Variants in CYREN observed in about 807,000 individuals in gnomAD.
CYREN encodes cell cycle regulator of non-homologous end joining.
Under a neutral mutation model 9.7 loss-of-function variants are expected in CYREN, and 7 were observed. The ratio of observed to expected loss-of-function variants is 0.72; its 90% CI spans 0.41 to 1.36. The LOEUF (loss-of-function observed/expected upper bound fraction) is 1.36. CYREN is among the 40% of genes most tolerant of loss of function. The pLI is 0.01. For synonymous variants in CYREN, 76 were observed against 77.9 expected (o/e 0.98, Z 0.13); for missense variants, 215 against 198.1 (o/e 1.09, Z -0.51).
At position 135,121,219 on chromosome 7, in the gene CYREN, AAAC is replaced by A. The variant is rs1234569324; in HGVS notation, n.357-26640_357-26638del. On this transcript the variant is annotated intron_variant and non_coding_transcript_variant, in intron 2 of 2. Transcript: ENST00000459937. Reference sequence around the variant, plus strand: ...AAACTCCGTCTCAAAAAACAAAACAAAACAACACAGAACTGCAAAATATGTGAA... The same window carrying A: ...AAACTCCGTCTCAAAAAACAAAACAAAACACAGAACTGCAAAATATGTGAA... 1.3e-5 allele frequency among the ~76,000 whole-genome samples: 2 copies of A among 152,230 alleles called. 1 individual carries two copies. The highest frequency in any genetic ancestry group is 4.1e-4 in the South Asian group (2 of 4,836).
upstream of CYREN, among the ~76,000 whole-genome samples, chr7:135,171,021 C>T (rs1190964792): frequency 6.6e-6 from 1 of 152,240 alleles, no homozygotes; most frequent in African/African-American, 2.4e-5. Context: ...GAAAGGCCCG[C>T]CGGGAATTCC....
chr7:135,133,986 C>G (rs930029435), intron 2 of CYREN, among the ~76,000 whole-genome samples: 1 of 151,664 alleles, frequency 6.6e-6, no homozygotes, highest in African/African-American at 2.4e-5. Context: ...AGGTTACATA[C>G]AGTATGATTC....
Position 135,135,199 on chromosome 7 carries a change from G to A in CYREN, n.356+33550C>T, listed in dbSNP as rs199898448. ...CCTCCATCTAACTAAAAATAAGGAT[G>A]AGCAGGCCAATAAGAATGATGGACA... On this transcript the variant is annotated intron_variant and non_coding_transcript_variant, in intron 2 of 2. Transcript: ENST00000459937. The A allele has an allele frequency of 5.1e-4, 791 of 1,547,240 alleles. 1 individual carries two copies. Among genetic ancestry groups the A allele is most frequent in the Admixed American group, 1.0e-3 (51 of 49,792 alleles).
At chr7:135,105,423 A>G (rs1328822751) in intron 2 of CYREN, among the ~76,000 whole-genome samples, 1 of 152,206 alleles carries the variant, frequency 6.6e-6, no homozygotes, top group African/African-American at 2.4e-5. Context: ...GGTGTAAGGT[A>G]GGGGTGCAGT....
intron 2 of CYREN, among the ~76,000 whole-genome samples, chr7:135,094,763 A>G (rs1260405318): frequency 6.6e-6 from 1 of 152,242 alleles, no homozygotes; most frequent in Non-Finnish European, 1.5e-5. Context: ...CATACCACCC[A>G]AGAGGAGCAA....
intron 2 of CYREN, among the ~76,000 whole-genome samples, chr7:135,150,264 T>C (rs2117421558): frequency 6.6e-6 from 1 of 152,340 alleles, no homozygotes; most frequent in Admixed American, 6.5e-5. Flanking sequence ...ATATCTCTTC[T>C]GAAGAGAGGC....
intron 2 of CYREN, among the ~76,000 whole-genome samples, chr7:135,112,300 T>G (rs549143132): frequency 6.6e-6 from 1 of 152,374 alleles, no homozygotes; most frequent in East Asian, 1.9e-4. Flanking sequence ...AACCTGATTT[T>G]CTTGCGTAAA....
At chr7:135,118,244 T>C (rs537333709) in intron 2 of CYREN, among the ~76,000 whole-genome samples, 1 of 152,360 alleles carries the variant, frequency 6.6e-6, no homozygotes, top group South Asian at 2.1e-4. Context: ...TATTTGTCTG[T>C]ACCTTCATGC....
At chr7:135,134,735 T>C in intron 2 of CYREN, 3 of 1,056,790 alleles carry the variant, frequency 2.8e-6, no homozygotes, top group Non-Finnish European at 4.0e-6. Flanking sequence ...TAAGAAGTTA[T>C]GAACTTACTA....
intron 2 of CYREN, among the ~76,000 whole-genome samples, chr7:135,117,765 T>C (rs1484260681): frequency 6.6e-6 from 1 of 152,202 alleles, no homozygotes; most frequent in Admixed American, 6.5e-5. Flanking sequence ...CAGATACTTT[T>C]GGGGGTGTCT....
chr7:135,170,672 G>A lies in CYREN; in HGVS notation c.-159C>T, dbSNP rs1830603262. On this transcript the variant is annotated 5_prime_UTR_variant, in exon 1 of 4. The change creates a new upstream start codon in the 5' untranslated region. Transcript: ENST00000393114. Reference sequence around the variant, plus strand: ...CTCACCCGGAACTTTAAGCCCTGCCGTCTCGCCTGGCGCCCAAACTCTGCG... The same window carrying A: ...CTCACCCGGAACTTTAAGCCCTGCCATCTCGCCTGGCGCCCAAACTCTGCG... 1 of 152,258 alleles carries A rather than the reference G, an allele frequency of 6.6e-6. No individual in the cohort carries two copies. Among genetic ancestry groups the A allele is most frequent in the Non-Finnish European group, 1.5e-5 (1 of 68,110 alleles). 9.4% of individuals were successfully genotyped at this position (152,258 alleles called of 1,614,324 possible).
At chr7:135,123,804 G>A (rs939493683) in intron 2 of CYREN, among the ~76,000 whole-genome samples, 4 of 152,056 alleles carry the variant, frequency 2.6e-5, no homozygotes, top group African/African-American at 9.7e-5. Flanking sequence ...ATCTTCATAA[G>A]CAAAGGATAA....
rs773068701 is a variant in CYREN, at chr7:135,168,842, T to C, written c.81A>G (p.Ala27=). Residue 27 remains alanine, a synonymous_variant, in exon 2 of 4, where the codon GCA becomes GCG. Transcript: ENST00000393114. ...TCATCCTCTTGGGGGCCTTCATTGG[T>C]GCCACATTCTTTGTAGCCACCTGGG... ...LTAQVATKNV[A]PMKAPKRMRM... is the part of the protein sequence containing the mutation. The C allele has an allele frequency of 6.2e-7, 1 of 1,614,014 alleles. No homozygotes were observed. The highest frequency in any genetic ancestry group is 1.3e-5 in the African/African-American group (1 of 74,944).
chr7:135,150,005 C>A (rs1251908267), intron 2 of CYREN, among the ~76,000 whole-genome samples: 1 of 152,106 alleles, frequency 6.6e-6, no homozygotes, highest in Non-Finnish European at 1.5e-5. Flanking sequence ...CTGTGCAATT[C>A]TTTATTTGTA....
intron 2 of CYREN, among the ~76,000 whole-genome samples, chr7:135,141,555 G>C (rs773981267): frequency 3.3e-5 from 5 of 151,930 alleles, no homozygotes; most frequent in Admixed American, 1.3e-4. Flanking sequence ...GTTTCATTCA[G>C]TTCAGCTCTG....
At chr7:135,131,760 T>C (rs536745924) in intron 2 of CYREN, among the ~76,000 whole-genome samples, 192 of 151,988 alleles carry the variant, frequency 1.3e-3, no homozygotes, top group Non-Finnish European at 2.3e-3. Context: ...GTGAAACAAC[T>C]GGTTGTTTGA....
At chr7:135,100,720 T>C (rs375658471) in intron 2 of CYREN, among the ~76,000 whole-genome samples, 2 of 152,346 alleles carry the variant, frequency 1.3e-5, no homozygotes, top group South Asian at 2.1e-4. Flanking sequence ...CTTAATTTTT[T>C]AAAATGTATT....
intron 2 of CYREN, among the ~76,000 whole-genome samples, chr7:135,096,903 G>C (rs1399508500): frequency 2.0e-5 from 3 of 152,154 alleles, no homozygotes; most frequent in African/African-American, 7.2e-5. Flanking sequence ...ATGCAGAAAA[G>C]AATTTGGGAT....
At chr7:135,164,800 T>A, downstream of CYREN, 2 of 1,614,134 alleles carry the variant, frequency 1.2e-6, no homozygotes, top group Non-Finnish European at 1.7e-6. Flanking sequence ...GTGGGCTTCC[T>A]GGCTGTGTCC....
Sources: allele counts gnomAD v4.1 joint callset (sites outside exome capture counted in the v4.1 genomes callset), GRCh38; gene constraint gnomAD v4.1.1; transcripts MANE v1.5; gene names NCBI Gene and HGNC (gene_info 2026-07-23, HGNC 2026-07-21).